TELO2: variants seen among roughly 807,000 people sequenced by gnomAD.
TELO2 encodes telomere maintenance 2, also known as telomere length regulation protein TEL2 homolog.
TELO2 carries 71 observed loss-of-function variants against 91.0 expected under a neutral mutation model. The observed-to-expected ratio is 0.78, with a 90% confidence interval of 0.64 to 0.95. The LOEUF (loss-of-function observed/expected upper bound fraction) is 0.95. Ranked by LOEUF, TELO2 falls within the 40% of genes least tolerant of loss-of-function variation. The pLI, the probability that TELO2 is intolerant of heterozygous loss-of-function variation, is 0.00. For synonymous variants in TELO2, 584 were observed against 518.9 expected, an observed-to-expected ratio of 1.13 and a Z score of -1.71; for missense variants, 1,183 against 1,141.3, an observed-to-expected ratio of 1.04 and a Z score of -0.53.
chr16:1,507,314 G>A lies in TELO2; in HGVS notation c.2235G>A (p.Val745=), dbSNP rs754497105. The change falls in exon 19 of 21, where the codon GTG becomes GTA. Residue 745 remains valine, a synonymous_variant. Transcript: ENST00000262319. ...MCLAVNTTVA[V]AMGKALLEFV... is the part of the protein sequence containing the mutation. The stretch of plus-strand genomic sequence containing the variant: ...CCTCTGCTGGTGTCCAGGTGGCTGT[G>A]GCCATGGGCAAGGCCCTGCTGGAAT... 1 of 1,609,680 alleles carries A rather than the reference G, an allele frequency of 6.2e-7. No homozygotes were observed.
chr16:1,506,363 G>C, intron 17 of TELO2, 34 bp downstream of exon 17: 1 of 1,613,570 alleles, frequency 6.2e-7, no homozygotes, highest in African/African-American at 1.3e-5. Context: ...GTGGACTTGG[G>C]GGACAGGGAC....
rs375272349 is a variant in TELO2 at position 1,507,059 on chromosome 16, G to A, written c.2226+8G>A. 3.8e-6 allele frequency: 6 copies of A among 1,599,624 alleles called. No individual in the cohort carries two copies. The highest frequency in any genetic ancestry group is 4.5e-5 in the East Asian group (2 of 44,358). ...CTGGCTGTTAACACCACGGTGAGCCGGGAGAGGTCGCCGGGCGCCGGCCTG... is the reference window on the plus strand; with the variant it reads ...CTGGCTGTTAACACCACGGTGAGCCAGGAGAGGTCGCCGGGCGCCGGCCTG... On this transcript the variant is annotated splice_region_variant and intron_variant, in intron 18 of 20. Coordinates refer to ENST00000262319, the MANE Select transcript of TELO2 (RefSeq NM_016111.4).
chr16:1,507,279 AC>A, intron 18 of TELO2, 26 bp from the exon 19 acceptor site: 1 of 1,604,836 alleles, frequency 6.2e-7, no homozygotes, highest in Non-Finnish European at 8.5e-7. Flanking sequence ...TCGGGACCCC[AC>A]TGACTGTCCC....
At chr16:1,506,656 C>G in intron 17 of TELO2, 2 of 1,371,310 alleles carry the variant, frequency 1.5e-6, no homozygotes, top group East Asian at 5.8e-5. Flanking sequence ...ACTGGCCCCA[C>G]GTTCAGGGCG....
chr16:1,507,747 A>T, intron 20 of TELO2, 31 bp downstream of exon 20: 1 of 1,560,480 alleles, frequency 6.4e-7, no homozygotes, highest in African/African-American at 1.4e-5. Flanking sequence ...TGTGTGTGAG[A>T]TGTGTGTCGG....
rs1417846174 is a variant in TELO2 at position 1,505,489 on chromosome 16, A to C, written c.1922A>C (p.Asn641Thr). The change falls in exon 16 of 21, where the codon AAC (asparagine) becomes ACC (threonine). Residue 641 changes from asparagine to threonine, a missense_variant. Coordinates refer to ENST00000262319, the MANE Select transcript of TELO2 (RefSeq NM_016111.4). This position sits in a 1 kb window ranked among gnomAD's most constrained non-coding sequence, Gnocchi z 4.3. The part of the protein sequence containing the change: ...RTPQPGSPSP[N>T]TPCLPEAAVS... Reference sequence around the variant, plus strand: ...CCCCAACCTGGCTCCCCAAGTCCCAACACCCCGTGCCTGCCAGAGGCAGCC... The same window carrying C: ...CCCCAACCTGGCTCCCCAAGTCCCACCACCCCGTGCCTGCCAGAGGCAGCC... 2 of 1,613,076 alleles carry C rather than the reference A, an allele frequency of 1.2e-6. No individual in the cohort carries two copies. The highest frequency in any genetic ancestry group is 4.5e-5 in the East Asian group (2 of 44,868).
chr16:1,505,220 A>G lies in TELO2; in HGVS notation c.1843-190A>G, dbSNP rs748603205. On this transcript the variant is annotated intron_variant, in intron 15 of 20. Coordinates refer to ENST00000262319, the MANE Select transcript of TELO2 (RefSeq NM_016111.4). This position sits in a 1 kb window ranked among gnomAD's most constrained non-coding sequence, Gnocchi z 4.3. Reference sequence around the variant, plus strand: ...CTGGAGCACGGTGCCCACCTTCCCCACCTTCCCGCCTACCAAGGCGCGGTT... The same window carrying G: ...CTGGAGCACGGTGCCCACCTTCCCCGCCTTCCCGCCTACCAAGGCGCGGTT... 7 of 634,292 alleles carry G rather than the reference A, an allele frequency of 1.1e-5. No homozygotes were observed. The highest frequency in any genetic ancestry group is 1.3e-5 in the Non-Finnish European group (5 of 377,356). The allele number at this position is 634,292 out of a possible 1,614,324, so 39.3% of individuals were successfully genotyped here. A position where few individuals can be genotyped will look rare whatever the true frequency, so the allele number is the denominator to read the frequency against.
At chr16:1,509,521 C>T (rs896054188) in intron 20 of TELO2, among the ~76,000 whole-genome samples, 5 of 152,268 alleles carry the variant, frequency 3.3e-5, no homozygotes, top group Admixed American at 6.5e-5. Flanking sequence ...CCTTGTCTGC[C>T]GTCCAGCAAG....
In TELO2 at chr16:1,505,327, T is replaced by G; in HGVS notation, c.1843-83T>G. ...AGGCTGGGCGGGCCCCCGGGCCCGT[T>G]TCTGGGGCTTTGGCTGACTTGACTC... On this transcript the variant is annotated intron_variant, in intron 15 of 20. Coordinates refer to ENST00000262319, the MANE Select transcript of TELO2 (RefSeq NM_016111.4). This position sits in a 1 kb window ranked among gnomAD's most constrained non-coding sequence, Gnocchi z 4.3. 3 of 1,501,422 alleles carry G rather than the reference T, an allele frequency of 2.0e-6. No homozygotes were observed. The highest frequency in any genetic ancestry group is 2.7e-6 in the Non-Finnish European group (3 of 1,117,794). The allele number at this position is 1,501,422 out of a possible 1,614,324, so 93.0% of individuals were successfully genotyped here.
chr16:1,501,910 A>C, intron 11 of TELO2, 137 bp downstream of exon 11: 1 of 1,438,600 alleles, frequency 7.0e-7, no homozygotes, highest in Non-Finnish European at 9.7e-7. Flanking sequence ...GAGGGCCCGC[A>C]GCTCCCAGCT....
chr16:1,506,134 C>A, intron 16 of TELO2, 104 bp from the exon 17 acceptor site: 2 of 1,297,718 alleles, frequency 1.5e-6, no homozygotes, highest in Non-Finnish European at 2.2e-6. Context: ...GGAGGCAAGG[C>A]GAGGCTGAGG....
rs764049359 is a variant in TELO2 at position 1,497,075 on chromosome 16, T to C, written c.653T>C (p.Leu218Pro). ...TCCGTGTCCTTCGTGTCTCAGGTCCTTGGGAAAGCCTGTGTCCACGGGAGG... is the reference window on the plus strand; with the variant it reads ...TCCGTGTCCTTCGTGTCTCAGGTCCCTGGGAAAGCCTGTGTCCACGGGAGG... ...DSSVSFVSQV[L>P]GKACVHGRQQ... Residue 218 changes from leucine to proline, a missense_variant, in exon 4 of 21, where the codon CTT (leucine) becomes CCT (proline). Leu to Pro is a moderately conservative substitution (Grantham distance 98). Transcript: ENST00000262319. This position sits in a 1 kb window ranked among gnomAD's most constrained non-coding sequence, Gnocchi z 4.0. The C allele has an allele frequency of 6.2e-6, 10 of 1,614,106 alleles. No homozygotes were observed. The highest frequency in any genetic ancestry group is 8.5e-6 in the Non-Finnish European group (10 of 1,180,000).
rs144270498 is a variant in TELO2 at position 1,501,463 on chromosome 16, C to T, written c.1325C>T (p.Ser442Phe). ...ELSLELLALA[S>F]PQPAGDGASE... ...AGCCTCGAGCTGCTGGCCTTGGCCT[C>T]CCCCCAGCCTGCGGGTGACGGCGCC... Residue 442 changes from serine to phenylalanine, a missense_variant, in exon 10 of 21, where the codon TCC becomes TTC. Ser to Phe is a radical substitution (Grantham distance 155). Coordinates refer to ENST00000262319, the MANE Select transcript of TELO2 (RefSeq NM_016111.4). 1.6e-5 allele frequency: 26 copies of T among 1,610,446 alleles called. No individual in the cohort carries two copies. The African/African-American group carries it at 2.0e-4, about 12-fold the overall frequency.
At chr16:1,503,138 A>G (rs962902003) in intron 15 of TELO2, 136 bp downstream of exon 15, 8 of 936,134 alleles carry the variant, frequency 8.5e-6, no homozygotes, top group East Asian at 2.5e-5. Flanking sequence ...TGAGTGTGTG[A>G]CCCGGCAGGA....
rs373392334 is a variant in TELO2 at position 1,505,371 on chromosome 16, T to C, written c.1843-39T>C. On this transcript the variant is annotated intron_variant, in intron 15 of 20. Coordinates refer to ENST00000262319, the MANE Select transcript of TELO2 (RefSeq NM_016111.4). The surrounding 1 kb of genome is among the most constrained non-coding windows in gnomAD (Gnocchi z 4.3). ...TTGACTCTTGGGAAATGTTCTTCCCTGGAGCAGTGGCGACGGCCCTGGGCC... is the reference window on the plus strand; with the variant it reads ...TTGACTCTTGGGAAATGTTCTTCCCCGGAGCAGTGGCGACGGCCCTGGGCC... The C allele has an allele frequency of 6.3e-7, 1 of 1,584,576 alleles. No homozygotes were observed. Among genetic ancestry groups the C allele is most frequent in the African/African-American group, 1.3e-5 (1 of 74,164 alleles).
chr16:1,496,260 C>A (rs2039489496), intron 3 of TELO2, among the ~76,000 whole-genome samples: 1 of 152,320 alleles, frequency 6.6e-6, no homozygotes, highest in Non-Finnish European at 1.5e-5. Context: ...CAGGGGCACC[C>A]TGGGGTCCTG....
rs777354726 is a variant in TELO2, at chr16:1,500,361, G to C, written c.1017G>C (p.Leu339=). ...GCCACCTGCAGGTGCTGAAGGAGCT[G>C]TTGGAGACGTGGGGCAGCAGCAGTG... is the stretch of plus-strand genomic sequence containing the variant. ...RPLLLQVLKE[L]LETWGSSSAI... is the part of the protein sequence containing the mutation. The change falls in exon 8 of 21, where the codon CTG becomes CTC. Residue 339 remains leucine, a synonymous_variant. Coordinates refer to ENST00000262319, the MANE Select transcript of TELO2 (RefSeq NM_016111.4). The C allele has an allele frequency of 2.5e-6, 4 of 1,592,786 alleles. No individual in the cohort carries two copies. In the East Asian group the frequency reaches 9.1e-5, roughly 36 times the overall value.
Position 1,494,978 on chromosome 16 carries a change from C to T in TELO2, c.335+362C>T, listed in dbSNP as rs188610309. On this transcript the variant is annotated intron_variant, in intron 2 of 20. Coordinates refer to ENST00000262319, the MANE Select transcript of TELO2 (RefSeq NM_016111.4). This position sits in a 1 kb window ranked among gnomAD's most constrained non-coding sequence, Gnocchi z 5.6. ...TCCCATGTGGACTCCCAGCCCCAGC[C>T]GGCTCCCAGGCTCAGCCTCAGATCA... 3.6e-4 allele frequency among the ~76,000 whole-genome samples: 55 copies of T among 152,272 alleles called. No individual in the cohort carries two copies. Among genetic ancestry groups the T allele is most frequent in the African/African-American group, 1.2e-3 (48 of 41,548 alleles).
rs778676068 is a variant in TELO2, at chr16:1,506,345, G to A, written c.2126+16G>A. The A allele has an allele frequency of 4.3e-5, 69 of 1,613,892 alleles. No individual in the cohort carries two copies. Among genetic ancestry groups the A allele is most frequent in the Non-Finnish European group, 5.5e-5 (65 of 1,179,982 alleles). Reference sequence around the variant, plus strand: ...GCTTTGACAGGTGAGTGGGTTTTCCGTGGGCCTGTGGACTTGGGGGACAGG... The same window carrying A: ...GCTTTGACAGGTGAGTGGGTTTTCCATGGGCCTGTGGACTTGGGGGACAGG... On this transcript the variant is annotated intron_variant, in intron 17 of 20. Coordinates refer to ENST00000262319, the MANE Select transcript of TELO2 (RefSeq NM_016111.4).
Sources: gnomAD v4.1 joint callset for allele counts (sites outside exome capture counted in the v4.1 genomes callset) on GRCh38, gnomAD v4.1.1 for gene constraint, Gnocchi (gnomAD v3.1) non-coding constraint, MANE v1.5 for transcripts, NCBI Gene and HGNC (gene_info 2026-07-23, HGNC 2026-07-21) for gene names.